The following ELAVL2 variants were observed in gnomAD, a reference collection of about 807,000 sequenced individuals.
ELAVL2 encodes ELAV like RNA binding protein 2, also known as ELAV-like protein 2.
A neutral mutation model predicts 34.6 loss-of-function variants in ELAVL2; 4 were observed. The observed-to-expected ratio is 0.12, with a 90% CI of 0.06 to 0.26. The LOEUF (loss-of-function observed/expected upper bound fraction) is 0.26. ELAVL2 is among the 10% of genes least tolerant of loss of function. The pLI is 1.00. For synonymous variants in ELAVL2, 193 were observed against 154.8 expected (o/e 1.25, Z -1.83); for missense variants, 432 against 442.8 (o/e 0.98, Z 0.22).
intron 2 of ELAVL2, among the ~76,000 whole-genome samples, chr9:23,743,579 G>A (rs998481145): frequency 1.3e-5 from 2 of 152,158 alleles, no homozygotes; most frequent in African/African-American, 4.8e-5. Context: ...TATTAAAAAC[G>A]AACTATCTAA....
intron 2 of ELAVL2, among the ~76,000 whole-genome samples, chr9:23,749,280 T>C (rs949173626): frequency 6.6e-6 from 1 of 152,142 alleles, no homozygotes; most frequent in Non-Finnish European, 1.5e-5. Context: ...ATTAGTTAAC[T>C]AGTATAATAC....
At chr9:23,819,740 ACT>A (rs1461780226) in intron 1 of ELAVL2, among the ~76,000 whole-genome samples, 1 of 152,116 alleles carries the variant, frequency 6.6e-6, no homozygotes, top group Admixed American at 6.5e-5. Context: ...AAATAAAAAT[ACT>A]CTCTCAAAAA....
chr9:23,716,107 G>C (rs1010174260), intron 3 of ELAVL2, among the ~76,000 whole-genome samples: 1 of 147,586 alleles, frequency 6.8e-6, no homozygotes, highest in Admixed American at 6.8e-5. Context: ...TAGGTGGGAA[G>C]TGAACAATGA....
intron 3 of ELAVL2, among the ~76,000 whole-genome samples, chr9:23,714,974 A>G (rs1317741959): frequency 6.6e-6 from 1 of 152,216 alleles, no homozygotes. Flanking sequence ...CGGCCAGAGA[A>G]CTAGACTGCC....
chr9:23,807,909 G>A (rs2062448346), intron 1 of ELAVL2, among the ~76,000 whole-genome samples: 1 of 152,292 alleles, frequency 6.6e-6, no homozygotes, highest in African/African-American at 2.4e-5. Flanking sequence ...TCACTGCTGG[G>A]CTTTGCATTC....
chr9:23,793,313 T>C (rs2060536663), intron 1 of ELAVL2, among the ~76,000 whole-genome samples: 3 of 152,192 alleles, frequency 2.0e-5, no homozygotes, highest in Non-Finnish European at 4.4e-5. Context: ...ATCTGAAAGA[T>C]GGTACCAATT....
intron 1 of ELAVL2, among the ~76,000 whole-genome samples, chr9:23,792,371 C>T (rs2060424564): frequency 6.6e-6 from 1 of 152,122 alleles, no homozygotes; most frequent in East Asian, 1.9e-4. Context: ...TGAACCATGC[C>T]CCCTCGCTTT....
chr9:23,804,519 A>C (rs577644512), intron 1 of ELAVL2, among the ~76,000 whole-genome samples: 114 of 152,294 alleles, frequency 7.5e-4, no homozygotes, highest in Middle Eastern at 6.8e-3. Context: ...GATTAATTTA[A>C]CCAATCCCCT....
Position 23,701,521 on chromosome 9 carries a change from G to A in ELAVL2, c.571C>T (p.Pro191Ser), listed in dbSNP as rs2037213626. Residue 191 changes from proline (P) to serine (S), a missense_variant, in exon 5 of 7, where the codon CCT becomes TCT. Pro to Ser is a moderately conservative substitution (Grantham distance 74). Transcript: ENST00000397312. ...EAIKGLNGQK[P>S]PGATEPITVK... ...GTGATTGGCTCCGTGGCACCGGGAGGTTTCTGGCCATTTAGGCCTTTGATA... is the reference window on the plus strand; with the variant it reads ...GTGATTGGCTCCGTGGCACCGGGAGATTTCTGGCCATTTAGGCCTTTGATA... 4 of 1,614,096 alleles carry A rather than the reference G, an allele frequency of 2.5e-6. No individual in the cohort carries two copies. Among genetic ancestry groups the A allele is most frequent in the Non-Finnish European group, 3.4e-6 (4 of 1,179,998 alleles).
intron 3 of ELAVL2, among the ~76,000 whole-genome samples, chr9:23,706,355 T>C (rs748540405): frequency 1.3e-5 from 2 of 152,214 alleles, no homozygotes; most frequent in Non-Finnish European, 2.9e-5. Flanking sequence ...TGACATGTGA[T>C]AGATGCTAAC....
In ELAVL2 at chr9:23,779,321, G is replaced by A. The variant is rs144420956; in HGVS notation, c.-15-17072C>T. 496 of 985,414 alleles carry A rather than the reference G, an allele frequency of 5.0e-4. 1 individual carries two copies. In the African/African-American group the frequency reaches 7.7e-3, roughly 15 times the overall value. 61.0% of individuals were successfully genotyped at this position (985,414 alleles called of 1,614,324 possible). On this transcript the variant is annotated intron_variant, in intron 1 of 6. Transcript: ENST00000397312. ...ACACTGGCAAAGTGGGCAGACAGAG[G>A]AACAAAGGCAATTCCAGGGCCTGCA...
chr9:23,780,644 T>C (rs2058937713), intron 1 of ELAVL2, among the ~76,000 whole-genome samples: 1 of 152,116 alleles, frequency 6.6e-6, no homozygotes, highest in South Asian at 2.1e-4. Context: ...GAGTATTTGG[T>C]CTAAACTCAA....
At chr9:23,773,771 G>C (rs909221216) in intron 1 of ELAVL2, among the ~76,000 whole-genome samples, 13 of 152,132 alleles carry the variant, frequency 8.5e-5, no homozygotes, top group Admixed American at 8.5e-4. Flanking sequence ...AAAGGGGTCT[G>C]TTCTCTTTAA....
intron 1 of ELAVL2, among the ~76,000 whole-genome samples, chr9:23,818,884 G>A (rs2064114625): frequency 6.6e-6 from 1 of 152,126 alleles, no homozygotes; most frequent in Admixed American, 6.5e-5. Context: ...GAACATGAAG[G>A]CTAATTTGCC....
At position 23,786,711 on chromosome 9, in the gene ELAVL2, C is replaced by T. The variant is rs574334731; in HGVS notation, c.-15-24462G>A. On this transcript the variant is annotated intron_variant, in intron 1 of 6. Coordinates refer to ENST00000397312, the MANE Select transcript of ELAVL2 (RefSeq NM_004432.5). ...ACCAGGAGCCTGTTAAGACAGAAAA[C>T]GAAGACATTAATGTTCAAAAAGTAT... Among the ~76,000 whole-genome samples, 16 of 138,468 alleles carry T rather than the reference C, an allele frequency of 1.2e-4. No homozygotes were observed. The South Asian group carries it at 2.7e-3, about 23-fold the overall frequency. The allele number at this position is 138,468 out of a possible 152,430, so 90.8% of individuals were successfully genotyped here.
chr9:23,803,521 C>T (rs755015580), intron 1 of ELAVL2, among the ~76,000 whole-genome samples: 1 of 152,120 alleles, frequency 6.6e-6, no homozygotes, highest in Non-Finnish European at 1.5e-5. Flanking sequence ...CTCCTCAAGG[C>T]CCCTTTAGCC....
At chr9:23,700,557 A>G (rs2036832740) in intron 5 of ELAVL2, among the ~76,000 whole-genome samples, 1 of 152,226 alleles carries the variant, frequency 6.6e-6, no homozygotes, top group Non-Finnish European at 1.5e-5. Context: ...CGACAGGCCA[A>G]ATGGAGACTG....
intron 5 of ELAVL2, among the ~76,000 whole-genome samples, chr9:23,700,703 T>G (rs1015141820): frequency 8.5e-5 from 13 of 152,310 alleles, no homozygotes; most frequent in Non-Finnish European, 1.9e-4. Context: ...TCTGGTACTG[T>G]ACAGAGAAAG....
chr9:23,707,843 C>G (rs1347803851), intron 3 of ELAVL2, among the ~76,000 whole-genome samples: 2 of 152,054 alleles, frequency 1.3e-5, no homozygotes, highest in Non-Finnish European at 2.9e-5. Flanking sequence ...GGTAAATGCC[C>G]AGCCCCTTAA....
Sources: gnomAD v4.1 joint callset for allele counts (sites outside exome capture counted in the v4.1 genomes callset) on GRCh38, gnomAD v4.1.1 for gene constraint, MANE v1.5 for transcripts, NCBI Gene and HGNC (gene_info 2026-07-23, HGNC 2026-07-21) for gene names.